TMEM165: variants seen among roughly 807,000 people sequenced by gnomAD.
TMEM165 encodes the protein transmembrane protein 165.
TMEM165 carries 19 observed loss-of-function variants against 30.0 expected under a neutral mutation model. The observed-to-expected ratio is 0.63, with a 90% CI of 0.44 to 0.93. TMEM165 has a LOEUF of 0.93. Ranked by LOEUF, TMEM165 falls within the 40% of genes least tolerant of loss-of-function variation. TMEM165 has a pLI of 0.00. For missense variants in TMEM165, 340 were observed against 417.0 expected, an observed-to-expected ratio of 0.82 and a Z score of 1.61; for synonymous variants, 168 against 162.9, an observed-to-expected ratio of 1.03 and a Z score of -0.24.
At chr4:55,410,835 CAAAT>C (rs1229616303) in intron 1 of TMEM165, among the ~76,000 whole-genome samples, 5 of 152,036 alleles carry the variant, frequency 3.3e-5, no homozygotes, top group African/African-American at 9.7e-5. Context: ...AAATGCCTAA[CAAAT>C]AAGGTAATTT....
At chr4:55,422,838 A>ACAG (rs1429517095) in intron 4 of TMEM165, among the ~76,000 whole-genome samples, 3 of 151,782 alleles carry the variant, frequency 2.0e-5, no homozygotes, top group Non-Finnish European at 2.9e-5. Context: ...TTTAGTAGAG[A>ACAG]CAGCATTTCA....
intron 3 of TMEM165, among the ~76,000 whole-genome samples, chr4:55,441,639 CA>C (rs1723375991): frequency 6.6e-6 from 1 of 152,148 alleles, no homozygotes; most frequent in African/African-American, 2.4e-5. Context: ...AATGGAAAAC[CA>C]AACACCATAT....
At chr4:55,444,462 CT>C (rs1290101934) in intron 3 of TMEM165, among the ~76,000 whole-genome samples, 11 of 152,146 alleles carry the variant, frequency 7.2e-5, no homozygotes, top group Non-Finnish European at 1.0e-4. Context: ...AACAAATTAT[CT>C]TTAGAGACTG....
chr4:55,448,675 C>A, intron 3 of TMEM165: 1 of 743,584 alleles, frequency 1.3e-6, no homozygotes, highest in African/African-American at 1.7e-5. Flanking sequence ...GTAGCTGTGG[C>A]TACAGGTGCT....
chr4:55,447,863 A>T (rs994616382), intron 3 of TMEM165, among the ~76,000 whole-genome samples: 1 of 152,226 alleles, frequency 6.6e-6, no homozygotes, highest in African/African-American at 2.4e-5. Context: ...AACAAAACAG[A>T]AAAGTTGAAG....
At chr4:55,442,717 A>G (rs1723472596) in intron 3 of TMEM165, 12 of 1,123,208 alleles carry the variant, frequency 1.1e-5, no homozygotes, top group Non-Finnish European at 1.4e-5. Context: ...CATTCTAACA[A>G]TATGACAATA....
intron 3 of TMEM165, among the ~76,000 whole-genome samples, chr4:55,451,551 A>C (rs754753728): frequency 1.3e-5 from 2 of 152,198 alleles, no homozygotes; most frequent in Non-Finnish European, 2.9e-5. Flanking sequence ...CCTCGTCCCT[A>C]AACCCCAGGG....
chr4:55,432,981 A>G (rs1722618821), intron 3 of TMEM165: 1 of 152,632 alleles, frequency 6.6e-6, no homozygotes, highest in Admixed American at 6.5e-5. Flanking sequence ...ACAGTTCACC[A>G]TCTTTTAAGT....
At chr4:55,419,520 T>C (rs745721598) in intron 4 of TMEM165, among the ~76,000 whole-genome samples, 28 of 152,080 alleles carry the variant, frequency 1.8e-4, no homozygotes, top group Non-Finnish European at 3.1e-4. Flanking sequence ...AACATGCCCA[T>C]TGGTTTTTTA....
chr4:55,419,986 C>T (rs1231392315), intron 4 of TMEM165, among the ~76,000 whole-genome samples: 1 of 150,218 alleles, frequency 6.7e-6, no homozygotes, highest in Non-Finnish European at 1.5e-5. Context: ...ATCCTAGCTG[C>T]TAGAGAGGCT....
At chr4:55,442,545 A>C in intron 3 of TMEM165, 1 of 1,610,766 alleles carries the variant, frequency 6.2e-7, no homozygotes, top group Non-Finnish European at 8.5e-7. Context: ...AAATCACCAT[A>C]GTGTTATACA....
At chr4:55,437,497 G>A (rs1722978599) in intron 3 of TMEM165, among the ~76,000 whole-genome samples, 2 of 152,168 alleles carry the variant, frequency 1.3e-5, no homozygotes, top group African/African-American at 2.4e-5. Context: ...GATAAGGAGA[G>A]CCTGTCTGAT....
At position 55,421,284 on chromosome 4, in the gene TMEM165, A is replaced by G. The variant is rs146432089; in HGVS notation, c.793-3254A>G. On this transcript the variant is annotated intron_variant, in intron 4 of 5. Coordinates refer to ENST00000381334, the MANE Select transcript of TMEM165 (RefSeq NM_018475.5). ...TACTTAATCTAGTGAATTTTTAAAT[A>G]TTTTCTTTCTTTCTTTTTTTTTTTT... is the stretch of plus-strand genomic sequence containing the variant. 1.1e-3 allele frequency among the ~76,000 whole-genome samples: 148 copies of G among 138,288 alleles called. 2 individuals are homozygous for G. In the East Asian group the frequency reaches 0.022, roughly 21 times the overall value. 90.7% of individuals were successfully genotyped at this position (138,288 alleles called of 152,430 possible). A position where few individuals can be genotyped will look rare whatever the true frequency, so the allele number is the denominator to read the frequency against.
chr4:55,424,747 T>C, intron 5 of TMEM165, 104 bp downstream of exon 5: 1 of 754,242 alleles, frequency 1.3e-6, no homozygotes, highest in Non-Finnish European at 2.2e-6. Context: ...GTATACTTGG[T>C]TTTTCTAATT....
chr4:55,419,295 T>G (rs181916061), intron 4 of TMEM165, among the ~76,000 whole-genome samples: 1 of 152,250 alleles, frequency 6.6e-6, no homozygotes, highest in Non-Finnish European at 1.5e-5. Flanking sequence ...CTGGCCTAGG[T>G]GACTTGTTTG....
At chr4:55,416,520 G>C (rs906451755) in intron 2 of TMEM165, among the ~76,000 whole-genome samples, 24 of 152,128 alleles carry the variant, frequency 1.6e-4, no homozygotes, top group African/African-American at 5.6e-4. Context: ...AATATAATAA[G>C]AAATTTTTAG....
At chr4:55,418,901 C>T (rs189255960) in intron 4 of TMEM165, among the ~76,000 whole-genome samples, 4 of 151,968 alleles carry the variant, frequency 2.6e-5, no homozygotes, top group South Asian at 2.1e-4. Context: ...AAAAATTAGC[C>T]GGGCAAGGTG....
chr4:55,428,508 C>T (rs1476600534), downstream of TMEM165: 1 of 152,120 alleles, frequency 6.6e-6, no homozygotes, highest in Non-Finnish European at 1.5e-5. Context: ...ATGGAAAATG[C>T]CTTTCGTTTC....
chr4:55,442,564 G>C (rs1426356922), intron 3 of TMEM165: 1 of 1,612,086 alleles, frequency 6.2e-7, no homozygotes, highest in Non-Finnish European at 8.5e-7. Flanking sequence ...CAGTGGGGCT[G>C]TAAGAGTGCT....
Sources: gnomAD v4.1 joint callset for allele counts (sites outside exome capture counted in the v4.1 genomes callset) on GRCh38, gnomAD v4.1.1 for gene constraint, MANE v1.5 for transcripts, NCBI Gene and HGNC (gene_info 2026-07-23, HGNC 2026-07-21) for gene names.